CDH7: variants seen among roughly 807,000 people sequenced by gnomAD.
The protein encoded by CDH7 is cadherin 7.
A neutral mutation model predicts 71.8 loss-of-function variants in CDH7; 25 were observed. The ratio of observed to expected loss-of-function variants is 0.35; its 90% CI spans 0.25 to 0.49. The LOEUF is 0.49. Among genes scored for constraint, CDH7 ranks in the 20% least tolerant of loss-of-function variants. The pLI, the probability that CDH7 is intolerant of heterozygous loss-of-function variation, is 0.99. For missense variants in CDH7, 862 were observed against 974.6 expected, an observed-to-expected ratio of 0.88 and a Z score of 1.54; for synonymous variants, 381 against 363.8, an observed-to-expected ratio of 1.05 and a Z score of -0.54.
intron 2 of CDH7, among the ~76,000 whole-genome samples, chr18:65,776,526 G>A (rs1598995294): frequency 6.6e-6 from 1 of 152,182 alleles, no homozygotes; most frequent in African/African-American, 2.4e-5. Flanking sequence ...AGAGATTCTA[G>A]TGTCATTAGG....
intron 10 of CDH7, among the ~76,000 whole-genome samples, chr18:65,861,869 A>G (rs1245754432): frequency 9.5e-6 from 1 of 104,864 alleles, no homozygotes; most frequent in Non-Finnish European, 2.2e-5. Context: ...ATTTTTATTA[A>G]CAGCTATTAA....
chr18:65,810,692 G>A (rs945935549), intron 3 of CDH7, among the ~76,000 whole-genome samples: 1 of 152,038 alleles, frequency 6.6e-6, no homozygotes, highest in Non-Finnish European at 1.5e-5. Flanking sequence ...TCTTCCTGAT[G>A]CTCTTCCTCC....
chr18:65,817,691 T>G (rs1911769562), intron 4 of CDH7, among the ~76,000 whole-genome samples: 1 of 152,230 alleles, frequency 6.6e-6, no homozygotes, highest in Non-Finnish European at 1.5e-5. Context: ...AGCTAATCAG[T>G]AACATAGTTT....
intron 2 of CDH7, among the ~76,000 whole-genome samples, chr18:65,809,411 C>A (rs1911442834): frequency 6.6e-6 from 1 of 152,148 alleles, no homozygotes; most frequent in South Asian, 2.1e-4. Context: ...CTAAAACTGG[C>A]AAGGACAGAT....
intron 6 of CDH7, among the ~76,000 whole-genome samples, chr18:65,831,352 A>G (rs998055857): frequency 2.0e-5 from 3 of 152,188 alleles, no homozygotes; most frequent in Non-Finnish European, 4.4e-5. Flanking sequence ...ATCTTAAAAG[A>G]ACGCGATCTG....
intron 6 of CDH7, among the ~76,000 whole-genome samples, chr18:65,840,845 A>C (rs2143982805): frequency 6.6e-6 from 1 of 152,270 alleles, no homozygotes; most frequent in Non-Finnish European, 1.5e-5. Flanking sequence ...TAATTTATTT[A>C]GAAATTACTT....
intron 6 of CDH7, among the ~76,000 whole-genome samples, chr18:65,831,560 T>C (rs889679005): frequency 6.6e-6 from 1 of 152,196 alleles, no homozygotes; most frequent in Non-Finnish European, 1.5e-5. Flanking sequence ...GTTTACTGTT[T>C]GTGGCCCTAA....
rs536065001 is a variant in CDH7, at chr18:65,851,885, G to T, written c.1236-5931G>T. ...ATGGTCCCTGGTGGTGTAGCACAAG[G>T]AGCATTTGGTAAGATCCACGGATCA... On this transcript the variant is annotated intron_variant, in intron 7 of 11. Transcript: ENST00000397968. Among the ~76,000 whole-genome samples, 29 of 152,214 alleles carry T rather than the reference G, an allele frequency of 1.9e-4. No individual in the cohort carries two copies. In the East Asian group the frequency reaches 5.2e-3, roughly 28 times the overall value.
chr18:65,757,615 A>G lies in CDH7; in HGVS notation c.-196-5032A>G, dbSNP rs185955476. The stretch of plus-strand genomic sequence containing the variant: ...CTCAATTTTTTTTCCGTTTCAGATT[A>G]ATCATTTATCCAGTAACCATCACTA... On this transcript the variant is annotated intron_variant, in intron 1 of 11. Transcript: ENST00000397968. Among the ~76,000 whole-genome samples the G allele has an allele frequency of 1.3e-3, 204 of 152,214 alleles. 1 individual carries two copies. The East Asian group carries it at 0.014, about 10-fold the overall frequency.
chr18:65,856,318 T>A (rs1041878306), intron 7 of CDH7, among the ~76,000 whole-genome samples: 1 of 152,186 alleles, frequency 6.6e-6, no homozygotes, highest in Non-Finnish European at 1.5e-5. Flanking sequence ...TGTATTGCAA[T>A]GTAATATCCA....
At chr18:65,797,157 A>C (rs145968330) in intron 2 of CDH7, among the ~76,000 whole-genome samples, 1,662 of 152,240 alleles carry the variant, frequency 0.011, 15 homozygotes, top group Non-Finnish European at 0.016. Context: ...CAACAGCAAC[A>C]ACAACAAAAT....
At chr18:65,865,648 G>A (rs1913730408) in intron 11 of CDH7, 1 of 152,002 alleles carries the variant, frequency 6.6e-6, no homozygotes, top group Admixed American at 6.6e-5. Context: ...TGGTCTCTTT[G>A]TGTCTTATTT....
chr18:65,762,814 TACACAGGA>T lies in CDH7; in HGVS notation c.-27_-20del. ...TTTTCTCTTGTCAAGGTTTTTTTCT[TACACAGGA>T]AAAAGAAAGAAAAAAAAAAGATGAA... On this transcript the variant is annotated 5_prime_UTR_variant, in exon 2 of 12. Transcript: ENST00000397968. The T allele has an allele frequency of 6.3e-7, 1 of 1,592,792 alleles. No homozygotes were observed. Among genetic ancestry groups the T allele is most frequent in the South Asian group, 1.1e-5 (1 of 87,774 alleles).
intron 3 of CDH7, among the ~76,000 whole-genome samples, chr18:65,810,950 G>C (rs967287280): frequency 6.6e-6 from 1 of 151,836 alleles, no homozygotes; most frequent in East Asian, 1.9e-4. Flanking sequence ...TGTTTATATC[G>C]AATAATCAAA....
chr18:65,751,844 G>T (rs768974114), intron 1 of CDH7, among the ~76,000 whole-genome samples: 2 of 152,146 alleles, frequency 1.3e-5, no homozygotes, highest in Non-Finnish European at 1.5e-5. Flanking sequence ...ACTGCTACTT[G>T]CCGGTATTCA....
At chr18:65,840,680 T>C (rs181764568) in intron 6 of CDH7, among the ~76,000 whole-genome samples, 156 of 152,268 alleles carry the variant, frequency 1.0e-3, no homozygotes, top group South Asian at 1.9e-3. Context: ...ACGTGAGATG[T>C]GCCTTTCACC....
intron 10 of CDH7, among the ~76,000 whole-genome samples, chr18:65,860,257 C>A (rs904647068): frequency 6.6e-6 from 1 of 152,090 alleles, no homozygotes; most frequent in Non-Finnish European, 1.5e-5. Context: ...ATACCCCTTA[C>A]TCTTTTATTT....
intron 2 of CDH7, among the ~76,000 whole-genome samples, chr18:65,770,156 G>C (rs1418414919): frequency 6.6e-6 from 1 of 152,050 alleles, no homozygotes; most frequent in Non-Finnish European, 1.5e-5. Flanking sequence ...TGCAGCAATT[G>C]ACTGTTTCTC....
intron 11 of CDH7, among the ~76,000 whole-genome samples, chr18:65,868,266 A>T (rs1170057239): frequency 6.6e-6 from 1 of 152,228 alleles, no homozygotes; most frequent in East Asian, 1.9e-4. Context: ...ACTATGTGCT[A>T]GACATCAGCC....
Sources: allele counts gnomAD v4.1 joint callset (sites outside exome capture counted in the v4.1 genomes callset), GRCh38; gene constraint gnomAD v4.1.1; transcripts MANE v1.5; gene names NCBI Gene and HGNC (gene_info 2026-07-23, HGNC 2026-07-21).